The following GALNT9 variants were observed in gnomAD, a reference collection of about 807,000 sequenced individuals.
GALNT9 encodes polypeptide N-acetylgalactosaminyltransferase 9.
Under a neutral mutation model 63.1 loss-of-function variants are expected in GALNT9, and 47 were observed. The observed-to-expected ratio is 0.75, with a 90% CI of 0.59 to 0.95. The LOEUF is 0.95. GALNT9 is among the 40% of genes least tolerant of loss of function. The pLI is 0.00. For synonymous variants in GALNT9, 396 were observed against 365.7 expected (o/e 1.08, Z -0.94); for missense variants, 829 against 874.8 (o/e 0.95, Z 0.66).
chr12:132,203,229 C>T (rs536564777), intron 7 of GALNT9, among the ~76,000 whole-genome samples: 4 of 152,178 alleles, frequency 2.6e-5, no homozygotes, highest in Non-Finnish European at 5.9e-5. Flanking sequence ...TGGCTTCTAA[C>T]CACGGGGCAA....
rs547247676 is a variant in GALNT9, at chr12:132,210,381, G to A, written c.1078-6691C>T. The stretch of plus-strand genomic sequence containing the variant: ...CAAGGCAAGCAAAGCAACAGGGCTC[G>A]TAGGGTTCTCCTGGAAGCGCTGGGG... On this transcript the variant is annotated intron_variant, in intron 6 of 10. Transcript: ENST00000328957. Among the ~76,000 whole-genome samples the A allele has an allele frequency of 3.0e-4, 45 of 152,362 alleles. 1 individual carries two copies. In the South Asian group the frequency reaches 8.5e-3, roughly 29 times the overall value.
rs1263461152 is a variant in GALNT9 at position 132,298,537 on chromosome 12, T to C, written c.239-12107A>G. 4.1e-3 allele frequency among the ~76,000 whole-genome samples: 331 copies of C among 80,606 alleles called. No individual in the cohort carries two copies. The Middle Eastern group carries it at 0.042, about 10-fold the overall frequency. The allele number at this position is 80,606 out of a possible 152,430, so 52.9% of individuals were successfully genotyped here. A position where few individuals can be genotyped will look rare whatever the true frequency, so the allele number is the denominator to read the frequency against. ...CTAACCCACTCCCACCACACCTAACTCATCCCTGAGATAACCAAGCCACTG... is the reference window on the plus strand; with the variant it reads ...CTAACCCACTCCCACCACACCTAACCCATCCCTGAGATAACCAAGCCACTG... On this transcript the variant is annotated intron_variant, in intron 1 of 10. Coordinates refer to ENST00000328957, the MANE Select transcript of GALNT9 (RefSeq NM_001122636.2).
intron 6 of GALNT9, among the ~76,000 whole-genome samples, chr12:132,222,647 G>A (rs1475605060): frequency 1.3e-5 from 2 of 151,898 alleles, no homozygotes; most frequent in African/African-American, 4.8e-5. Context: ...TAGCCACGGA[G>A]GAAACACAGA....
intron 6 of GALNT9, among the ~76,000 whole-genome samples, chr12:132,210,047 C>T (rs142182676): frequency 3.5e-4 from 54 of 152,222 alleles, no homozygotes; most frequent in African/African-American, 9.6e-4. Context: ...TCTGGTCACA[C>T]GAGGAAGACA....
chr12:132,222,516 G>A (rs1228273707), intron 6 of GALNT9, among the ~76,000 whole-genome samples: 1 of 152,038 alleles, frequency 6.6e-6, no homozygotes, highest in Non-Finnish European at 1.5e-5. Flanking sequence ...GGTCACACAC[G>A]CAGTTTCTGC....
Position 132,287,983 on chromosome 12 carries a change from C to A in GALNT9, c.239-1553G>T, listed in dbSNP as rs868949320. On this transcript the variant is annotated intron_variant, in intron 1 of 10. Transcript: ENST00000328957. ...GGCATGGACCCCTGAGGCTGGGCTG[C>A]CTTTTGTCAGCTTGCACAGAGAGGT... 2.0e-5 allele frequency among the ~76,000 whole-genome samples: 3 copies of A among 152,270 alleles called. No individual in the cohort carries two copies. The South Asian group carries it at 6.2e-4, about 32-fold the overall frequency.
At chr12:132,309,800 G>A (rs782249237) in intron 1 of GALNT9, among the ~76,000 whole-genome samples, 42 of 152,316 alleles carry the variant, frequency 2.8e-4, no homozygotes, top group Non-Finnish European at 5.1e-4. Context: ...ACCAAGAATC[G>A]CACAGGAGGG....
rs528145278 is a variant in GALNT9, at chr12:132,327,504, G to T, written c.238+1462C>A. Reference sequence around the variant, plus strand: ...GCCAATGTTTTTATGTAATCCTCTGGCTCTCCCCATAAAACAGACCATAAC... The same window carrying T: ...GCCAATGTTTTTATGTAATCCTCTGTCTCTCCCCATAAAACAGACCATAAC... On this transcript the variant is annotated intron_variant, in intron 1 of 10. Transcript: ENST00000328957. The surrounding 1 kb of genome is among the most constrained non-coding windows in gnomAD (Gnocchi z 4.3). Among the ~76,000 whole-genome samples the T allele has an allele frequency of 4.1e-4, 63 of 152,152 alleles. No homozygotes were observed. In the South Asian group the frequency reaches 9.0e-3, roughly 22 times the overall value.
At chr12:132,306,911 C>T (rs967303080) in intron 1 of GALNT9, among the ~76,000 whole-genome samples, 4 of 152,124 alleles carry the variant, frequency 2.6e-5, no homozygotes, top group Admixed American at 2.6e-4. Context: ...GTTCTAATTA[C>T]GGGAGATAAT....
Position 132,286,203 on chromosome 12 carries a change from C to A in GALNT9, c.419+47G>T. The A allele has an allele frequency of 6.6e-7, 1 of 1,517,084 alleles. No homozygotes were observed. Among genetic ancestry groups the A allele is most frequent in the African/African-American group, 1.4e-5 (1 of 71,990 alleles). The allele number at this position is 1,517,084 out of a possible 1,614,324, so 94.0% of individuals were successfully genotyped here. A position where few individuals can be genotyped will look rare whatever the true frequency, so the allele number is the denominator to read the frequency against. Reference sequence around the variant, plus strand: ...TTCCCTGGCCAGTGTGGGGGGCGGTCACTTCCTCGGCGGGCGTCGGGGGAT... The same window carrying A: ...TTCCCTGGCCAGTGTGGGGGGCGGTAACTTCCTCGGCGGGCGTCGGGGGAT... On this transcript the variant is annotated intron_variant, in intron 2 of 10. Transcript: ENST00000328957. This position sits in a 1 kb window ranked among gnomAD's most constrained non-coding sequence, Gnocchi z 7.4.
chr12:132,286,599 G>C lies in GALNT9; in HGVS notation c.239-169C>G. 8.5e-7 allele frequency: 1 copy of C among 1,181,932 alleles called. No individual in the cohort carries two copies. Among genetic ancestry groups the C allele is most frequent in the Non-Finnish European group, 1.1e-6 (1 of 871,992 alleles). The allele number at this position is 1,181,932 out of a possible 1,614,324, so 73.2% of individuals were successfully genotyped here. On this transcript the variant is annotated intron_variant, in intron 1 of 10. Coordinates refer to ENST00000328957, the MANE Select transcript of GALNT9 (RefSeq NM_001122636.2). This position sits in a 1 kb window ranked among gnomAD's most constrained non-coding sequence, Gnocchi z 7.4. ...GCTCAGGACATTCCAGAAAGTGCAA[G>C]GCTGTGCGCGGAGTGAGAGGGCGGT...
chr12:132,285,831 G>A (rs913455438), intron 2 of GALNT9, among the ~76,000 whole-genome samples: 1 of 152,202 alleles, frequency 6.6e-6, no homozygotes, highest in Non-Finnish European at 1.5e-5. Flanking sequence ...GAGAGACACA[G>A]AGAGATAGAG....
intron 1 of GALNT9, among the ~76,000 whole-genome samples, chr12:132,312,785 C>A (rs575123375): frequency 1.3e-4 from 20 of 152,180 alleles, no homozygotes; most frequent in Non-Finnish European, 2.9e-5. Context: ...CTGCCCTGAA[C>A]CCCTGTTGTC....
intron 6 of GALNT9, among the ~76,000 whole-genome samples, chr12:132,206,690 A>T (rs1876717991): frequency 6.6e-6 from 1 of 151,306 alleles, no homozygotes; most frequent in African/African-American, 2.4e-5. Flanking sequence ...GAGAGGAGCC[A>T]GTGCTGGTGC....
intron 2 of GALNT9, among the ~76,000 whole-genome samples, chr12:132,268,767 A>C (rs1879751025): frequency 6.6e-6 from 1 of 152,200 alleles, no homozygotes; most frequent in Non-Finnish European, 1.5e-5. Flanking sequence ...GCAGCCATCA[A>C]GCACGTGCGC....
intron 2 of GALNT9, chr12:132,278,204 C>T (rs1880186097): frequency 6.6e-6 from 1 of 152,174 alleles, no homozygotes; most frequent in South Asian, 2.1e-4. Flanking sequence ...TCCAGCAAGA[C>T]CCTGTTTAAA....
intron 1 of GALNT9, among the ~76,000 whole-genome samples, chr12:132,291,355 TCCACAGCACCCACGTCCACAGCACCCAC>T (rs1880827754): frequency 5.6e-5 from 3 of 53,470 alleles, no homozygotes; most frequent in African/African-American, 4.7e-4. Flanking sequence ...AGCACCCACG[TCCACAGCACCCACGTCCACAGCACCCAC>T]GTCCACAGCA....
At position 132,245,084 on chromosome 12, in the gene GALNT9, T is replaced by C. The variant is rs1593082226; in HGVS notation, c.1077+2826A>G. Among the ~76,000 whole-genome samples, 6 of 151,572 alleles carry C rather than the reference T, an allele frequency of 4.0e-5. No homozygotes were observed. In the Middle Eastern group the frequency reaches 0.017, roughly 430 times the overall value. ...GCTGTGCCTTGTCAGGGGATGAAGGTGAAAGACAGAACCCGCGGTGACACA... is the reference window on the plus strand; with the variant it reads ...GCTGTGCCTTGTCAGGGGATGAAGGCGAAAGACAGAACCCGCGGTGACACA... On this transcript the variant is annotated intron_variant, in intron 6 of 10. Transcript: ENST00000328957. This position sits in a 1 kb window ranked among gnomAD's most constrained non-coding sequence, Gnocchi z 6.3.
intron 6 of GALNT9, among the ~76,000 whole-genome samples, chr12:132,214,653 C>T (rs1462145619): frequency 2.6e-5 from 4 of 152,364 alleles, no homozygotes; most frequent in Non-Finnish European, 4.4e-5. Context: ...CTGGCCACAT[C>T]CCCCTCATAC....
Sources: gnomAD v4.1 joint callset for allele counts (sites outside exome capture counted in the v4.1 genomes callset) on GRCh38, gnomAD v4.1.1 for gene constraint, Gnocchi (gnomAD v3.1) non-coding constraint, MANE v1.5 for transcripts, NCBI Gene and HGNC (gene_info 2026-07-23, HGNC 2026-07-21) for gene names.